Variants in PCYT1A observed in about 807,000 individuals in gnomAD.
PCYT1A encodes phosphate cytidylyltransferase 1A, choline.
Under a neutral mutation model 43.7 loss-of-function variants are expected in PCYT1A, and 25 were observed. That is an observed-to-expected ratio of 0.57 (90% CI 0.42 to 0.80). PCYT1A has a LOEUF of 0.80. PCYT1A is among the 30% of genes least tolerant of loss of function. The probability of loss-of-function intolerance (pLI) is 0.00; values close to 1 mark genes in which losing one functional copy is unlikely to be tolerated. For missense variants in PCYT1A, 421 were observed against 474.2 expected, an observed-to-expected ratio of 0.89 and a Z score of 1.04; for synonymous variants, 172 against 170.7, an observed-to-expected ratio of 1.01 and a Z score of -0.06.
At chr3:196,285,955 ACC>A (rs1382211341) in intron 1 of PCYT1A, among the ~76,000 whole-genome samples, 1 of 150,788 alleles carries the variant, frequency 6.6e-6, no homozygotes, top group South Asian at 2.1e-4. Flanking sequence ...TTCCTTCCCA[ACC>A]CTTGTTCCTA....
chr3:196,267,906 T>C (rs910646126), intron 2 of PCYT1A, among the ~76,000 whole-genome samples: 1 of 152,176 alleles, frequency 6.6e-6, no homozygotes, highest in Non-Finnish European at 1.5e-5. Flanking sequence ...AGCTAGAAAG[T>C]ACAGGTGTAC....
chr3:196,254,857 A>C (rs1290859481), intron 3 of PCYT1A, among the ~76,000 whole-genome samples: 1 of 152,186 alleles, frequency 6.6e-6, no homozygotes, highest in South Asian at 2.1e-4. Context: ...TACCACCGAA[A>C]CATTCTGTTC....
chr3:196,251,428 G>A (rs1383504852), intron 3 of PCYT1A: 3 of 153,114 alleles, frequency 2.0e-5, no homozygotes, highest in African/African-American at 7.2e-5. Flanking sequence ...TGAAGGAGAA[G>A]GAAAGTAGTT....
In PCYT1A at chr3:196,252,847, G is replaced by A. The variant is rs1032463698; in HGVS notation, c.218-4524C>T. On this transcript the variant is annotated intron_variant, in intron 3 of 8. Coordinates refer to ENST00000431016, the MANE Select transcript of PCYT1A (RefSeq NM_001312673.2). This position sits in a 1 kb window ranked among gnomAD's most constrained non-coding sequence, Gnocchi z 4.0. ...GTCTGAGACCAGCCTGGGCAACACA[G>A]TGAAACCCTATCTCTATTAAAATTA... 1.6e-4 allele frequency among the ~76,000 whole-genome samples: 24 copies of A among 151,842 alleles called. No homozygotes were observed. The highest frequency in any genetic ancestry group is 2.9e-4 in the Non-Finnish European group (20 of 68,008).
chr3:196,286,194 C>G (rs1038354956), intron 1 of PCYT1A, among the ~76,000 whole-genome samples: 1 of 151,878 alleles, frequency 6.6e-6, no homozygotes, highest in East Asian at 1.9e-4. Flanking sequence ...TCCCCAGTAG[C>G]TGGGATTCCA....
chr3:196,243,503 CTCTCCCT>C (rs1056603660), intron 5 of PCYT1A, among the ~76,000 whole-genome samples: 5 of 150,582 alleles, frequency 3.3e-5, no homozygotes, highest in Admixed American at 1.3e-4. Flanking sequence ...TCCCTCTCCC[CTCTCCCT>C]TCTCCCCTCT....
chr3:196,250,482 T>G (rs1210307940), intron 3 of PCYT1A: 2 of 160,284 alleles, frequency 1.2e-5, no homozygotes, highest in Non-Finnish European at 2.7e-5. Context: ...TACACTATGC[T>G]GAGGCTGAGG....
chr3:196,275,741 GAAAA>G (rs200596797), intron 1 of PCYT1A, among the ~76,000 whole-genome samples: 18 of 140,338 alleles, frequency 1.3e-4, no homozygotes, highest in African/African-American at 4.8e-4. Context: ...CAACAAAAAA[GAAAA>G]AAAAAAAGAA....
rs1002076012 is a variant in PCYT1A at position 196,274,336 on chromosome 3, C to G, written c.-10-3795G>C. 5.9e-5 allele frequency among the ~76,000 whole-genome samples: 9 copies of G among 152,346 alleles called. 1 individual carries two copies. The highest frequency in any genetic ancestry group is 5.2e-4 in the Admixed American group (8 of 15,302). ...CCCAGCTCCCAGTGGCTCCATGGAG[C>G]GTGCAGCACAGACCATGCCTCCCCG... On this transcript the variant is annotated intron_variant, in intron 1 of 8. Coordinates refer to ENST00000431016, the MANE Select transcript of PCYT1A (RefSeq NM_001312673.2).
rs772864617 is a variant in PCYT1A, at chr3:196,238,366, C to T, written c.*322G>A. The T allele has an allele frequency of 2.3e-4, 45 of 195,848 alleles. No individual in the cohort carries two copies. Among genetic ancestry groups the T allele is most frequent in the African/African-American group, 7.4e-4 (32 of 43,330 alleles). The allele number at this position is 195,848 out of a possible 1,614,324, so 12.1% of individuals were successfully genotyped here. A position where few individuals can be genotyped will look rare whatever the true frequency, so the allele number is the denominator to read the frequency against. ...AAAAATTAGTTCTACATTTGAAAGA[C>T]GAATTTTTTAAAAAATTAATGAAAA... On this transcript the variant is annotated 3_prime_UTR_variant, in exon 9 of 9. Transcript: ENST00000431016.
chr3:196,274,202 C>T (rs1173926394), intron 1 of PCYT1A, among the ~76,000 whole-genome samples: 4 of 152,354 alleles, frequency 2.6e-5, no homozygotes, highest in South Asian at 2.1e-4. Flanking sequence ...TTCAAGCCTG[C>T]AGGGGCAGGG....
chr3:196,280,602 G>T (rs1244882771), intron 1 of PCYT1A, among the ~76,000 whole-genome samples: 16 of 53,948 alleles, frequency 3.0e-4, no homozygotes, highest in Admixed American at 9.6e-4. Context: ...GAATATTTTC[G>T]ATCCAAGTTT....
rs570337598 is a variant in PCYT1A at position 196,256,268 on chromosome 3, G to A, written c.217+1520C>T. 6.5e-4 allele frequency among the ~76,000 whole-genome samples: 99 copies of A among 152,296 alleles called. 1 individual carries two copies. Among genetic ancestry groups the A allele is most frequent in the African/African-American group, 2.2e-3 (93 of 41,570 alleles). ...GCACTTTGGGAGGCTGAGGTGGGTG[G>A]ATCACGAGGTCAGGAGTTCGAGGCC... On this transcript the variant is annotated intron_variant, in intron 3 of 8. Transcript: ENST00000431016.
chr3:196,266,265 G>C (rs923890132), intron 2 of PCYT1A, among the ~76,000 whole-genome samples: 86 of 149,656 alleles, frequency 5.7e-4, no homozygotes, highest in African/African-American at 1.8e-3. Context: ...GAGGTCAAGA[G>C]ATCGAGACCA....
At chr3:196,262,645 C>T (rs928372852) in intron 2 of PCYT1A, among the ~76,000 whole-genome samples, 1 of 152,170 alleles carries the variant, frequency 6.6e-6, no homozygotes, top group Admixed American at 6.5e-5. Context: ...TATTCACACA[C>T]ATTATTTCAC....
chr3:196,241,131 TAAAAAAAA>T (rs1209954920), intron 7 of PCYT1A, among the ~76,000 whole-genome samples: 2 of 49,658 alleles, frequency 4.0e-5, no homozygotes, highest in African/African-American at 1.7e-4. Flanking sequence ...CCATCTCTGC[TAAAAAAAA>T]AAAAAAAAAA....
Position 196,236,399 on chromosome 3 carries a change from A to G in PCYT1A, c.*2289T>C, listed in dbSNP as rs1724165207. On this transcript the variant is annotated 3_prime_UTR_variant, in exon 9 of 9. Transcript: ENST00000431016. ...AGAGAAGGCTGACGCAGAAAAGTTC[A>G]AAGATGAGACTATGTAACACTGGGT... is the stretch of plus-strand genomic sequence containing the variant. 6.6e-6 allele frequency: 1 copy of G among 152,308 alleles called. No homozygotes were observed. The highest frequency in any genetic ancestry group is 2.4e-5 in the African/African-American group (1 of 41,472). 9.4% of individuals were successfully genotyped at this position (152,308 alleles called of 1,614,324 possible).
chr3:196,275,289 G>A (rs1448449661), intron 1 of PCYT1A, among the ~76,000 whole-genome samples: 4 of 152,158 alleles, frequency 2.6e-5, no homozygotes, highest in Admixed American at 6.5e-5. Context: ...TAAGCCAGAC[G>A]AGAAAGACAA....
rs1379262166 is a variant in PCYT1A at position 196,252,433 on chromosome 3, C to T, written c.218-4110G>A. Among the ~76,000 whole-genome samples, 1 of 151,890 alleles carries T rather than the reference C, an allele frequency of 6.6e-6. No individual in the cohort carries two copies. Among genetic ancestry groups the T allele is most frequent in the Non-Finnish European group, 1.5e-5 (1 of 67,942 alleles). On this transcript the variant is annotated intron_variant, in intron 3 of 8. Coordinates refer to ENST00000431016, the MANE Select transcript of PCYT1A (RefSeq NM_001312673.2). This position sits in a 1 kb window ranked among gnomAD's most constrained non-coding sequence, Gnocchi z 4.0. ...GGGATAATTTTTGTATTTTTATATT[C>T]GTATCCCATGTTGGCCAGGCTGGTC...
Sources: allele counts gnomAD v4.1 joint callset (sites outside exome capture counted in the v4.1 genomes callset), GRCh38; gene constraint gnomAD v4.1.1; non-coding constraint Gnocchi (gnomAD v3.1); transcripts MANE v1.5; gene names NCBI Gene and HGNC (gene_info 2026-07-23, HGNC 2026-07-21).